The following ZNF565 variants were observed in gnomAD, a reference collection of about 807,000 sequenced individuals.
ZNF565 encodes the protein zinc finger protein 565.
In ZNF565, 27 loss-of-function variants were observed where a neutral mutation model predicts 39.4. The ratio of observed to expected loss-of-function variants is 0.69; its 90% CI spans 0.51 to 0.95. The LOEUF (loss-of-function observed/expected upper bound fraction) is 0.95. Ranked by LOEUF, ZNF565 falls within the 40% of genes least tolerant of loss-of-function variation. The probability of loss-of-function intolerance (pLI) is 0.00; values close to 1 mark genes in which losing one functional copy is unlikely to be tolerated. For synonymous variants in ZNF565, 185 were observed against 216.6 expected (o/e 0.85, Z 1.28); for missense variants, 524 against 621.1 (o/e 0.84, Z 1.66).
At position 36,182,487 on chromosome 19, in the gene ZNF565, G is replaced by A. The variant is rs1298507185; in HGVS notation, c.1479C>T (p.His493=). 6.3e-7 allele frequency: 1 copy of A among 1,578,712 alleles called. No homozygotes were observed. Among genetic ancestry groups the A allele is most frequent in the Non-Finnish European group, 8.6e-7 (1 of 1,163,196 alleles). Residue 493 remains histidine, a synonymous_variant, in exon 5 of 5, where the codon CAC becomes CAT. Coordinates refer to ENST00000304116, the MANE Select transcript of ZNF565 (RefSeq NM_152477.5). ...CTTTCTAACCAGTATGAATTCTGTA[G>A]TGTTCAATGAGTTGTGAGCCAAGAA... ...AFILGSQLIE[H]YRIHTG
intron 1 of ZNF565, among the ~76,000 whole-genome samples, chr19:36,222,277 G>T (rs1251595822): frequency 6.6e-6 from 1 of 152,080 alleles, no homozygotes; most frequent in Non-Finnish European, 1.5e-5. Flanking sequence ...TTCAGCTGCT[G>T]TATAAATAAG....
intron 1 of ZNF565, among the ~76,000 whole-genome samples, chr19:36,244,351 C>G (rs538694716): frequency 3.3e-4 from 45 of 137,650 alleles, no homozygotes; most frequent in African/African-American, 1.3e-3. Flanking sequence ...AAGTTCAAGA[C>G]CAGTGTGGTC....
chr19:36,188,002 C>T (rs1274239550), intron 4 of ZNF565, among the ~76,000 whole-genome samples: 1 of 151,686 alleles, frequency 6.6e-6, no homozygotes. Context: ...AAATCGTCAT[C>T]TTGGAGATTT....
intron 1 of ZNF565, among the ~76,000 whole-genome samples, chr19:36,243,503 A>T (rs1292619809): frequency 6.6e-6 from 1 of 152,196 alleles, no homozygotes; most frequent in Non-Finnish European, 1.5e-5. Flanking sequence ...GGCAGATGTG[A>T]AGGGAGTTAA....
intron 4 of ZNF565, 22 bp from the exon 5 acceptor site, chr19:36,183,755 A>G: frequency 1.3e-6 from 2 of 1,587,382 alleles, no homozygotes; most frequent in Non-Finnish European, 1.7e-6. Flanking sequence ...GAAAAAGATA[A>G]ATACAAGCTG....
chr19:36,238,399 A>G (rs887435679), intron 1 of ZNF565: 2 of 167,208 alleles, frequency 1.2e-5, no homozygotes, highest in Middle Eastern at 3.4e-3. Context: ...AGGGAAAATA[A>G]TGAGTGTGGG....
At position 36,194,778 on chromosome 19, in the gene ZNF565, T is replaced by C; in HGVS notation, c.136+252A>G. On this transcript the variant is annotated intron_variant, in intron 3 of 4. Transcript: ENST00000304116. Reference sequence around the variant, plus strand: ...GCTTTGGCAGACAGAAAGCATCAGCTGGAGATCAGTGGACAGGAGGAGAGA... The same window carrying C: ...GCTTTGGCAGACAGAAAGCATCAGCCGGAGATCAGTGGACAGGAGGAGAGA... The C allele has an allele frequency of 5.1e-6, 3 of 591,846 alleles. No homozygotes were observed. The Middle Eastern group carries it at 1.4e-3, about 276-fold the overall frequency. 36.7% of individuals were successfully genotyped at this position (591,846 alleles called of 1,614,324 possible).
At chr19:36,212,080 T>C (rs1242045772) in intron 1 of ZNF565, among the ~76,000 whole-genome samples, 2 of 152,188 alleles carry the variant, frequency 1.3e-5, no homozygotes, top group Non-Finnish European at 2.9e-5. Flanking sequence ...ATACCACTCA[T>C]AGTGTAACGA....
At chr19:36,187,429 T>C (rs1463048153) in intron 4 of ZNF565, among the ~76,000 whole-genome samples, 1 of 151,174 alleles carries the variant, frequency 6.6e-6, no homozygotes, top group Non-Finnish European at 1.5e-5. Flanking sequence ...TGGCGCGATC[T>C]CGGCTCATTG....
intron 1 of ZNF565, among the ~76,000 whole-genome samples, chr19:36,210,774 G>A (rs1021729426): frequency 2.0e-5 from 3 of 151,750 alleles, no homozygotes; most frequent in East Asian, 1.9e-4. Context: ...ACAGGTACTC[G>A]CCACCACACC....
In ZNF565 at chr19:36,223,225, C is replaced by T. The variant is rs554064229; in HGVS notation, c.56-21175G>A. On this transcript the variant is annotated intron_variant, in intron 1 of 4. Coordinates refer to the ZNF565 transcript ENST00000355114. ...TGAGGTCAGGAGTTTGAGACTAGCCCGGTCAACATGGTGAAACCCCGTCTC... is the reference window on the plus strand; with the variant it reads ...TGAGGTCAGGAGTTTGAGACTAGCCTGGTCAACATGGTGAAACCCCGTCTC... Among the ~76,000 whole-genome samples the T allele has an allele frequency of 2.5e-4, 38 of 151,610 alleles. 1 individual carries two copies. The highest frequency in any genetic ancestry group is 1.0e-3 in the South Asian group (5 of 4,790).
At chr19:36,216,223 T>G (rs1976599051), upstream of ZNF565, among the ~76,000 whole-genome samples, 1 of 152,154 alleles carries the variant, frequency 6.6e-6, no homozygotes, top group Non-Finnish European at 1.5e-5. Flanking sequence ...TGGAAGAAAC[T>G]TAAAGGTTCA....
intron 1 of ZNF565, among the ~76,000 whole-genome samples, chr19:36,221,369 A>G (rs1976830015): frequency 6.8e-6 from 1 of 146,952 alleles, no homozygotes; most frequent in Non-Finnish European, 1.5e-5. Context: ...GCTCACTGCA[A>G]GCTCCGCCTC....
intron 1 of ZNF565, among the ~76,000 whole-genome samples, chr19:36,229,124 A>G (rs1450779501): frequency 6.6e-6 from 1 of 152,124 alleles, no homozygotes; most frequent in Non-Finnish European, 1.5e-5. Context: ...GTCCTCACAC[A>G]TTGTCCTTTA....
chr19:36,216,064 A>G (rs555371162), upstream of ZNF565, among the ~76,000 whole-genome samples: 2 of 152,336 alleles, frequency 1.3e-5, no homozygotes, highest in South Asian at 2.1e-4. Flanking sequence ...CGTCATTGAC[A>G]TAGTTTTAAA....
chr19:36,182,401 C>A lies in ZNF565; in HGVS notation c.*65G>T. 7.1e-7 allele frequency: 1 copy of A among 1,416,522 alleles called. No homozygotes were observed. Among genetic ancestry groups the A allele is most frequent in the East Asian group, 2.3e-5 (1 of 43,312 alleles). The allele number at this position is 1,416,522 out of a possible 1,614,324, so 87.7% of individuals were successfully genotyped here. ...TTAATTACACTACATTAAAAATTACCTAGTACTGAGCCAGATGTGAACTCC... is the reference window on the plus strand; with the variant it reads ...TTAATTACACTACATTAAAAATTACATAGTACTGAGCCAGATGTGAACTCC... On this transcript the variant is annotated 3_prime_UTR_variant, in exon 5 of 5. Transcript: ENST00000304116.
chr19:36,208,876 AG>A (rs1368481879), intron 1 of ZNF565, among the ~76,000 whole-genome samples: 88 of 152,276 alleles, frequency 5.8e-4, no homozygotes, highest in African/African-American at 2.1e-3. Flanking sequence ...TCTGTCACTC[AG>A]GCTGCAGTGC....
At chr19:36,196,790 G>A (rs950137169) in intron 2 of ZNF565, among the ~76,000 whole-genome samples, 1 of 150,162 alleles carries the variant, frequency 6.7e-6, no homozygotes, top group African/African-American at 2.5e-5. Context: ...CCTGCCAGCT[G>A]GGCACGGTGG....
intron 1 of ZNF565, among the ~76,000 whole-genome samples, chr19:36,223,389 G>A (rs944129739): frequency 2.6e-5 from 4 of 151,706 alleles, no homozygotes; most frequent in Non-Finnish European, 4.4e-5. Context: ...TTGAGATGGA[G>A]TATCTCTCCG....
Sources: allele counts gnomAD v4.1 joint callset (sites outside exome capture counted in the v4.1 genomes callset), GRCh38; gene constraint gnomAD v4.1.1; transcripts MANE v1.5; gene names NCBI Gene and HGNC (gene_info 2026-07-23, HGNC 2026-07-21).